Variants in MAGI2 observed in about 807,000 individuals in gnomAD.
MAGI2 encodes the protein membrane associated guanylate kinase, WW and PDZ domain containing 2, also known as membrane-associated guanylate kinase, WW and PDZ domain-containing protein 2.
In MAGI2, 35 loss-of-function variants were observed where a neutral mutation model predicts 133.3. That is an observed-to-expected ratio of 0.26 (90% CI 0.20 to 0.35). The LOEUF (loss-of-function observed/expected upper bound fraction) is 0.35. MAGI2 is among the 10% of genes least tolerant of loss of function. The probability of loss-of-function intolerance (pLI) is 1.00; values close to 1 mark genes in which losing one functional copy is unlikely to be tolerated. For synonymous variants in MAGI2, 729 were observed against 710.6 expected (o/e 1.03, Z -0.41); for missense variants, 1,636 against 1,863.4 (o/e 0.88, Z 2.25).
At chr7:78,058,776 C>T (rs1413367677) in intron 21 of MAGI2, among the ~76,000 whole-genome samples, 1 of 152,080 alleles carries the variant, frequency 6.6e-6, no homozygotes, top group African/African-American at 2.4e-5. Flanking sequence ...TATAACTGAA[C>T]CCTATTATTT....
chr7:78,627,332 A>C, intron 2 of MAGI2, 93 bp from the exon 3 acceptor site: 1 of 1,157,208 alleles, frequency 8.6e-7, no homozygotes, highest in Non-Finnish European at 1.1e-6. Context: ...ATTCAGTGCC[A>C]CTTGTTTGTA....
chr7:78,308,353 G>C (rs528919524), intron 9 of MAGI2, among the ~76,000 whole-genome samples: 1 of 152,278 alleles, frequency 6.6e-6, no homozygotes, highest in South Asian at 2.1e-4. Flanking sequence ...TGTACAACAA[G>C]ACTGTCAGCT....
At chr7:78,757,050 A>C (rs1824015042) in intron 2 of MAGI2, among the ~76,000 whole-genome samples, 1 of 151,988 alleles carries the variant, frequency 6.6e-6, no homozygotes. Context: ...TACATCTCCC[A>C]CCATAATCTT....
At chr7:79,227,908 G>A (rs970663155) in intron 1 of MAGI2, among the ~76,000 whole-genome samples, 1 of 152,098 alleles carries the variant, frequency 6.6e-6, no homozygotes, top group Non-Finnish European at 1.5e-5. Context: ...GTGACAAAAT[G>A]CTGCTTAATT....
intron 1 of MAGI2, among the ~76,000 whole-genome samples, chr7:79,282,633 G>T (rs12154470): frequency 0.55 from 84,083 of 151,948 alleles, 25,884 homozygotes; most frequent in Non-Finnish European, 0.68. Context: ...AAATCATAAG[G>T]AGGAGAACCC....
At chr7:78,790,632 C>T (rs41495) in intron 2 of MAGI2, among the ~76,000 whole-genome samples, 51,017 of 151,916 alleles carry the variant, frequency 0.34, 9,008 homozygotes, top group East Asian at 0.52. Flanking sequence ...CAGGGTTTCA[C>T]CATGTTTAGC....
At chr7:78,665,053 A>G (rs1465459278) in intron 2 of MAGI2, among the ~76,000 whole-genome samples, 1 of 152,020 alleles carries the variant, frequency 6.6e-6, no homozygotes, top group East Asian at 1.9e-4. Context: ...ACTTTACTTA[A>G]TCATTTGGTT....
chr7:78,159,916 A>G, intron 16 of MAGI2, 109 bp downstream of exon 16: 1 of 1,397,160 alleles, frequency 7.2e-7, no homozygotes, highest in Non-Finnish European at 9.5e-7. Context: ...CTTTCAGGCT[A>G]TACAGTATGT....
chr7:79,327,422 C>A, intron 1 of MAGI2, among the ~76,000 whole-genome samples: 1 of 152,098 alleles, frequency 6.6e-6, no homozygotes, highest in Non-Finnish European at 1.5e-5. Flanking sequence ...TCAGGACACA[C>A]AGGTTCCACT....
At chr7:78,458,639 GTT>G (rs5885064) in intron 6 of MAGI2, among the ~76,000 whole-genome samples, 14 of 146,386 alleles carry the variant, frequency 9.6e-5, no homozygotes, top group Non-Finnish European at 9.0e-5. Context: ...TTTTTGTTAG[GTT>G]TTTTTTTTTT....
At chr7:78,133,220 A>C (rs1821754078) in intron 17 of MAGI2, among the ~76,000 whole-genome samples, 160 bp from the exon 18 acceptor site, 1 of 152,190 alleles carries the variant, frequency 6.6e-6, no homozygotes, top group African/African-American at 2.4e-5. Flanking sequence ...ATCAAGTTCT[A>C]ATACCATTTC....
chr7:79,349,920 GC>G, intron 1 of MAGI2, among the ~76,000 whole-genome samples: 1 of 151,950 alleles, frequency 6.6e-6, no homozygotes, highest in Non-Finnish European at 1.5e-5. Flanking sequence ...AAGAATACTC[GC>G]CACCCTCACA....
At chr7:79,142,405 T>C (rs1237440599) in intron 1 of MAGI2, among the ~76,000 whole-genome samples, 6 of 152,196 alleles carry the variant, frequency 3.9e-5, no homozygotes, top group African/African-American at 1.4e-4. Flanking sequence ...AGACAGAGTT[T>C]AACTCCACAG....
rs151093889 is a variant in MAGI2 at position 79,141,743 on chromosome 7, G to C, written c.302-134537C>G. Among the ~76,000 whole-genome samples the C allele has an allele frequency of 3.4e-3, 507 of 148,988 alleles. 4 individuals are homozygous for C. The highest frequency in any genetic ancestry group is 0.012 in the African/African-American group (487 of 39,356). Reference sequence around the variant, plus strand: ...ACAAAGTTGAATTCTCGTTGGCTTTGTTCGTGTTTTTTTTTTCGCAGATCT... The same window carrying C: ...ACAAAGTTGAATTCTCGTTGGCTTTCTTCGTGTTTTTTTTTTCGCAGATCT... On this transcript the variant is annotated intron_variant, in intron 1 of 21. Coordinates refer to ENST00000354212, the MANE Select transcript of MAGI2 (RefSeq NM_012301.4).
intron 1 of MAGI2, among the ~76,000 whole-genome samples, chr7:79,032,872 TC>T: frequency 6.6e-6 from 1 of 151,650 alleles, no homozygotes; most frequent in East Asian, 1.9e-4. Flanking sequence ...TTTCCAGAGG[TC>T]TTTTAAAGTT....
intron 2 of MAGI2, among the ~76,000 whole-genome samples, chr7:78,880,987 A>G (rs1795799569): frequency 6.6e-6 from 1 of 152,184 alleles, no homozygotes; most frequent in Non-Finnish European, 1.5e-5. Flanking sequence ...GCCCTTATAT[A>G]AAGATCAAGG....
At chr7:78,075,245 G>T (rs1815152447) in intron 21 of MAGI2, among the ~76,000 whole-genome samples, 1 of 152,276 alleles carries the variant, frequency 6.6e-6, no homozygotes, top group Non-Finnish European at 1.5e-5. Context: ...TGGGTGGAAA[G>T]AGTGTTCTGG....
chr7:78,552,263 A>C (rs1446265323), intron 3 of MAGI2, among the ~76,000 whole-genome samples: 1 of 139,128 alleles, frequency 7.2e-6, no homozygotes, highest in Non-Finnish European at 1.5e-5. Flanking sequence ...AGCTCACCGC[A>C]ACCTCCACCT....
At chr7:78,830,136 A>G (rs1791013830) in intron 2 of MAGI2, among the ~76,000 whole-genome samples, 1 of 152,124 alleles carries the variant, frequency 6.6e-6, no homozygotes, top group Admixed American at 6.5e-5. Context: ...GCAAGATTCC[A>G]AGCAATTTTA....
Sources: allele counts gnomAD v4.1 joint callset (sites outside exome capture counted in the v4.1 genomes callset), GRCh38; gene constraint gnomAD v4.1.1; transcripts MANE v1.5; gene names NCBI Gene and HGNC (gene_info 2026-07-23, HGNC 2026-07-21).